The following MBD5 variants were observed in gnomAD, a reference collection of about 807,000 sequenced individuals.
MBD5 encodes methyl-CpG-binding domain protein 5.
Under a neutral mutation model 117.3 loss-of-function variants are expected in MBD5, and 13 were observed. That is an observed-to-expected ratio of 0.11 (90% CI 0.07 to 0.18). The LOEUF (loss-of-function observed/expected upper bound fraction) is 0.18, where lower values mean the gene tolerates loss of function less well. MBD5 is among the 10% of genes least tolerant of loss of function. MBD5 has a pLI of 1.00. For synonymous variants in MBD5, 727 were observed against 766.4 expected, an observed-to-expected ratio of 0.95 and a Z score of 0.85; for missense variants, 1,879 against 2,093.8, an observed-to-expected ratio of 0.90 and a Z score of 2.00.
chr2:148,049,371 T>G (rs896327044), intron 1 of MBD5, among the ~76,000 whole-genome samples: 1 of 152,144 alleles, frequency 6.6e-6, no homozygotes, highest in Admixed American at 6.5e-5. Flanking sequence ...ATAGAATAAT[T>G]GTTATGCTGT....
chr2:148,211,799 G>T (rs1277228064), intron 2 of MBD5, among the ~76,000 whole-genome samples: 1 of 152,136 alleles, frequency 6.6e-6, no homozygotes, highest in Non-Finnish European at 1.5e-5. Flanking sequence ...AGGCTGGAGG[G>T]CAGTGGTGTA....
Position 148,470,174 on chromosome 2 carries a change from T to C in MBD5, c.2231T>C (p.Met744Thr), listed in dbSNP as rs1334734679. The change falls in exon 8 of 14, where the codon ATG (methionine) becomes ACG (threonine). Residue 744 changes from methionine to threonine, a missense_variant. Physicochemically the swap from Met to Thr is moderately conservative, Grantham distance 81. This residue lies in a region of MBD5 where 1,666 missense variants were observed against 1,792.2 expected (regional missense o/e 0.93). Transcript: ENST00000642680. ...ANQLHFTDPS[M>T]NSSVLQNIPL... is the part of the protein sequence containing the mutation. ...CAGCTGCATTTTACAGATCCCAGTA[T>C]GAACTCTAGTGTTCTTCAGAACATA... 4 of 1,613,996 alleles carry C rather than the reference T, an allele frequency of 2.5e-6. No individual in the cohort carries two copies. Among genetic ancestry groups the C allele is most frequent in the South Asian group, 1.1e-5 (1 of 91,086 alleles).
intron 1 of MBD5, among the ~76,000 whole-genome samples, chr2:148,151,882 C>T (rs1697682176): frequency 6.6e-6 from 1 of 151,960 alleles, no homozygotes; most frequent in Non-Finnish European, 1.5e-5. Context: ...TTGATCCTTT[C>T]AAAAAACCAG....
chr2:148,176,702 C>T (rs1698398964), intron 1 of MBD5, among the ~76,000 whole-genome samples: 2 of 152,038 alleles, frequency 1.3e-5, no homozygotes, highest in Admixed American at 1.3e-4. Context: ...AGCCACTACG[C>T]CCAGCAACAA....
intron 2 of MBD5, among the ~76,000 whole-genome samples, chr2:148,225,756 A>C (rs551805531): frequency 6.6e-6 from 1 of 152,302 alleles, no homozygotes; most frequent in East Asian, 1.9e-4. Flanking sequence ...TTTTTCCTTC[A>C]CCACTTTAAA....
chr2:148,329,337 A>G (rs1702570289), intron 3 of MBD5, among the ~76,000 whole-genome samples: 1 of 152,184 alleles, frequency 6.6e-6, no homozygotes, highest in Admixed American at 6.5e-5. Context: ...TAAGAAAACA[A>G]ATGCTTTTTT....
At chr2:148,328,583 G>T (rs1197326313) in intron 3 of MBD5, among the ~76,000 whole-genome samples, 3 of 152,208 alleles carry the variant, frequency 2.0e-5, no homozygotes, top group East Asian at 1.9e-4. Context: ...CGCAGTATTC[G>T]GGTGGGAGTG....
At chr2:148,095,858 C>G (rs1362484632) in intron 1 of MBD5, among the ~76,000 whole-genome samples, 1 of 151,354 alleles carries the variant, frequency 6.6e-6, no homozygotes. Context: ...TATAAAGCCA[C>G]CTTAAACCAT....
At chr2:148,404,849 A>AT (rs1705029121) in intron 4 of MBD5, among the ~76,000 whole-genome samples, 1 of 152,098 alleles carries the variant, frequency 6.6e-6, no homozygotes, top group African/African-American at 2.4e-5. Flanking sequence ...TCTATTACTT[A>AT]TTTTTTATCT....
At chr2:148,328,628 C>G (rs1167520406) in intron 3 of MBD5, among the ~76,000 whole-genome samples, 1 of 152,242 alleles carries the variant, frequency 6.6e-6, no homozygotes, top group Non-Finnish European at 1.5e-5. Context: ...TCACCACTTT[C>G]TTTGACTAGG....
chr2:148,242,501 T>G (rs140197805), intron 3 of MBD5, among the ~76,000 whole-genome samples: 1 of 152,314 alleles, frequency 6.6e-6, no homozygotes, highest in East Asian at 1.9e-4. Context: ...GTCCTTTTTC[T>G]CTTCTGGGTA....
chr2:148,021,466 C>CTGCTGCTGCTGCTGT lies in MBD5; in HGVS notation c.-1128_-1114dup, dbSNP rs1348774958. The CTGCTGCTGCTGCTGT allele has an allele frequency of 4.7e-5, 25 of 531,846 alleles. 1 individual carries two copies. The highest frequency in any genetic ancestry group is 1.0e-4 in the East Asian group (2 of 20,060). The allele number at this position is 531,846 out of a possible 1,614,324, so 32.9% of individuals were successfully genotyped here. On this transcript the variant is annotated 5_prime_UTR_variant, in exon 1 of 14. Coordinates refer to ENST00000642680, the MANE Select transcript of MBD5 (RefSeq NM_001378120.1). ...CACAGACCCTTTGCTGCTGCTGTTG[C>CTGCTGCTGCTGCTGT]TGCTGCTGCTGCTGTTGCTGCTGCT...
chr2:148,163,054 C>A (rs562795545), intron 1 of MBD5, among the ~76,000 whole-genome samples: 22 of 152,346 alleles, frequency 1.4e-4, no homozygotes, highest in Admixed American at 1.4e-3. Context: ...TCTCAGCCTG[C>A]TTTTCCTCAA....
At chr2:148,477,924 A>G (rs1417320464) in intron 8 of MBD5, among the ~76,000 whole-genome samples, 1 of 152,192 alleles carries the variant, frequency 6.6e-6, no homozygotes, top group African/African-American at 2.4e-5. Context: ...GTTCAAAATT[A>G]GAGCTAAACA....
chr2:148,173,825 G>A (rs995146212), intron 1 of MBD5, among the ~76,000 whole-genome samples: 2 of 152,182 alleles, frequency 1.3e-5, no homozygotes, highest in Admixed American at 6.5e-5. Flanking sequence ...CCATGTTTAT[G>A]CATTGAAGAA....
At chr2:148,341,151 C>T (rs770618500) in intron 3 of MBD5, among the ~76,000 whole-genome samples, 37 of 151,830 alleles carry the variant, frequency 2.4e-4, no homozygotes, top group African/African-American at 8.0e-4. Context: ...AGTTGCTTTC[C>T]CCTGTCATCC....
At chr2:148,115,522 A>G (rs747189156) in intron 1 of MBD5, among the ~76,000 whole-genome samples, 1 of 152,190 alleles carries the variant, frequency 6.6e-6, no homozygotes, top group Non-Finnish European at 1.5e-5. Flanking sequence ...GAAGTACTAA[A>G]ATATTCCCTA....
At chr2:148,284,707 C>T (rs1030099778) in intron 3 of MBD5, among the ~76,000 whole-genome samples, 2 of 152,108 alleles carry the variant, frequency 1.3e-5, no homozygotes, top group Non-Finnish European at 2.9e-5. Context: ...TGATGCCAGG[C>T]TCACTTGCTT....
At chr2:148,349,894 T>C (rs1703212095) in intron 4 of MBD5, among the ~76,000 whole-genome samples, 1 of 151,978 alleles carries the variant, frequency 6.6e-6, no homozygotes, top group Non-Finnish European at 1.5e-5. Flanking sequence ...TCACATGTAA[T>C]TCCTTCTGCA....
Sources: allele counts gnomAD v4.1 joint callset (sites outside exome capture counted in the v4.1 genomes callset), GRCh38; gene constraint gnomAD v4.1.1; regional missense constraint gnomAD v4.1.1; transcripts MANE v1.5; gene names NCBI Gene and HGNC (gene_info 2026-07-23, HGNC 2026-07-21).